Variants in ATP6V1D observed in about 807,000 individuals in gnomAD.
ATP6V1D encodes ATPase H+ transporting V1 subunit D, also known as V-type proton ATPase subunit D.
A neutral mutation model predicts 39.4 loss-of-function variants in ATP6V1D; 20 were observed. That is an observed-to-expected ratio of 0.51 (90% CI 0.36 to 0.74). ATP6V1D has a LOEUF of 0.74. ATP6V1D is among the 30% of genes least tolerant of loss of function. ATP6V1D has a pLI of 0.00. For missense variants in ATP6V1D, 228 were observed against 291.6 expected, an observed-to-expected ratio of 0.78 and a Z score of 1.59; for synonymous variants, 100 against 100.5, an observed-to-expected ratio of 0.99 and a Z score of 0.03.
In ATP6V1D at chr14:67,338,379, C is replaced by T. The variant is rs544098947; in HGVS notation, c.*242G>A. 7.1e-5 allele frequency: 31 copies of T among 434,388 alleles called. No homozygotes were observed. Among genetic ancestry groups the T allele is most frequent in the Admixed American group, 2.3e-4 (6 of 25,602 alleles). The allele number at this position is 434,388 out of a possible 1,614,324, so 26.9% of individuals were successfully genotyped here. On this transcript the variant is annotated 3_prime_UTR_variant, in exon 9 of 9. Transcript: ENST00000216442. ...CACAGATGTAAATGGAGTATGATAA[C>T]GCTTCTGCAAAGTAAATTCTGTAAG...
At position 67,350,607 on chromosome 14, in the gene ATP6V1D, T is replaced by G. The variant is rs773954450; in HGVS notation, c.239+4A>C. The G allele has an allele frequency of 1.1e-5, 17 of 1,612,542 alleles. No homozygotes were observed. The highest frequency in any genetic ancestry group is 1.4e-5 in the Non-Finnish European group (17 of 1,179,166). On this transcript the variant is annotated splice_donor_region_variant and intron_variant, in intron 3 of 8. Coordinates refer to ENST00000216442, the MANE Select transcript of ATP6V1D (RefSeq NM_015994.4). ...CTTCAAAACACCCCGTTTAGTCCCCTTACCTGAAGTCACCTGCTGTGAACT... is the reference window on the plus strand; with the variant it reads ...CTTCAAAACACCCCGTTTAGTCCCCGTACCTGAAGTCACCTGCTGTGAACT...
In ATP6V1D at chr14:67,348,625, G is replaced by A. The variant is rs182287138; in HGVS notation, c.307+412C>T. Among the ~76,000 whole-genome samples, 1,055 of 152,136 alleles carry A rather than the reference G, an allele frequency of 6.9e-3. 9 individuals are homozygous for A. Among genetic ancestry groups the A allele is most frequent in the Non-Finnish European group, 0.01 (702 of 67,992 alleles). Reference sequence around the variant, plus strand: ...GAACCTCCGCTTCCCGGGTTCAAGCGATTCTCCTGCCTCAGCCTCCCAAGT... The same window carrying A: ...GAACCTCCGCTTCCCGGGTTCAAGCAATTCTCCTGCCTCAGCCTCCCAAGT... On this transcript the variant is annotated intron_variant, in intron 4 of 8. Coordinates refer to ENST00000216442, the MANE Select transcript of ATP6V1D (RefSeq NM_015994.4).
At chr14:67,348,953 T>G (rs763001003) in intron 4 of ATP6V1D, 84 bp downstream of exon 4, 6 of 1,297,576 alleles carry the variant, frequency 4.6e-6, no homozygotes, top group Non-Finnish European at 6.6e-6. Flanking sequence ...AACTAGGACA[T>G]TAAGATCTTG....
intron 1 of ATP6V1D, among the ~76,000 whole-genome samples, chr14:67,357,207 C>T (rs1461493034): frequency 6.6e-6 from 1 of 152,216 alleles, no homozygotes; most frequent in Non-Finnish European, 1.5e-5. Flanking sequence ...AGTAACATCA[C>T]AGAATAATAC....
intron 1 of ATP6V1D, among the ~76,000 whole-genome samples, chr14:67,354,391 T>C (rs564022777): frequency 1.3e-5 from 2 of 152,366 alleles, no homozygotes; most frequent in African/African-American, 4.8e-5. Flanking sequence ...TTTAAAAATC[T>C]ATCCACTAAT....
rs1378561229 is a variant in ATP6V1D, at chr14:67,340,209, A to T, written c.602+231T>A. On this transcript the variant is annotated intron_variant, in intron 8 of 8. Coordinates refer to ENST00000216442, the MANE Select transcript of ATP6V1D (RefSeq NM_015994.4). ...TTTAAAAAAAAAATCAAACCTAAACAGTTTCTCTGAAAGGCCTAAGTTTTT... is the reference window on the plus strand; with the variant it reads ...TTTAAAAAAAAAATCAAACCTAAACTGTTTCTCTGAAAGGCCTAAGTTTTT... 2.6e-5 allele frequency: 12 copies of T among 462,544 alleles called. No homozygotes were observed. The East Asian group carries it at 3.8e-4, about 15-fold the overall frequency. The allele number at this position is 462,544 out of a possible 1,614,324, so 28.7% of individuals were successfully genotyped here.
rs763731801 is a variant in ATP6V1D, at chr14:67,338,585, G to C, written c.*36C>G. 1 of 1,602,244 alleles carries C rather than the reference G, an allele frequency of 6.2e-7. No homozygotes were observed. The highest frequency in any genetic ancestry group is 1.7e-5 in the Admixed American group (1 of 57,756). On this transcript the variant is annotated 3_prime_UTR_variant, in exon 9 of 9. Coordinates refer to ENST00000216442, the MANE Select transcript of ATP6V1D (RefSeq NM_015994.4). ...CACACTGTGAATTAAAATGAAGCCA[G>C]TGTTAGGGTTTCTCAAAGAACCAGA...
At chr14:67,345,309 C>G (rs1012385182) in intron 6 of ATP6V1D, among the ~76,000 whole-genome samples, 2 of 151,896 alleles carry the variant, frequency 1.3e-5, no homozygotes, top group Admixed American at 1.3e-4. Context: ...GTAATCCTAG[C>G]ACTTTGGGAG....
In ATP6V1D at chr14:67,337,923, AAAGT is replaced by A. The variant is rs2085552615; in HGVS notation, c.*694_*697del. ...ACCCCAAAATGCAACAGTTGTCTCA[AAAGT>A]AAGCCTTTTTGTAAAACTCTAATAC... is the stretch of plus-strand genomic sequence containing the variant. On this transcript the variant is annotated 3_prime_UTR_variant, in exon 9 of 9. Coordinates refer to ENST00000216442, the MANE Select transcript of ATP6V1D (RefSeq NM_015994.4). 1 of 152,256 alleles carries A rather than the reference AAAGT, an allele frequency of 6.6e-6. No homozygotes were observed. Among genetic ancestry groups the A allele is most frequent in the South Asian group, 2.1e-4 (1 of 4,836 alleles). 9.4% of individuals were successfully genotyped at this position (152,256 alleles called of 1,614,324 possible). A position where few individuals can be genotyped will look rare whatever the true frequency, so the allele number is the denominator to read the frequency against.
At chr14:67,342,032 C>G (rs59451243) in intron 7 of ATP6V1D, among the ~76,000 whole-genome samples, 46,784 of 151,256 alleles carry the variant, frequency 0.31, 11,120 homozygotes, top group African/African-American at 0.64. Context: ...CAAGTACCCA[C>G]GGACACAAAC....
intron 6 of ATP6V1D, among the ~76,000 whole-genome samples, chr14:67,345,338 C>G (rs2085612732): frequency 6.6e-6 from 1 of 152,048 alleles, no homozygotes; most frequent in South Asian, 2.1e-4. Context: ...GGGTGGATCA[C>G]CTGAAGTCAG....
At position 67,348,906 on chromosome 14, in the gene ATP6V1D, T is replaced by G. The variant is rs907858630; in HGVS notation, c.307+131A>C. On this transcript the variant is annotated intron_variant, in intron 4 of 8. Coordinates refer to ENST00000216442, the MANE Select transcript of ATP6V1D (RefSeq NM_015994.4). ...AACCTGGTTGTTAATGATTTTAACATGTAAAGCCAATCAACTTGTTCTAAG... is the reference window on the plus strand; with the variant it reads ...AACCTGGTTGTTAATGATTTTAACAGGTAAAGCCAATCAACTTGTTCTAAG... The G allele has an allele frequency of 1.2e-5, 10 of 848,220 alleles. No homozygotes were observed. The African/African-American group carries it at 1.6e-4, about 13-fold the overall frequency. 52.5% of individuals were successfully genotyped at this position (848,220 alleles called of 1,614,324 possible).
At chr14:67,350,535 A>G in intron 3 of ATP6V1D, 76 bp downstream of exon 3, 1 of 1,324,842 alleles carries the variant, frequency 7.5e-7, no homozygotes, top group Non-Finnish European at 1.1e-6. Context: ...TCTAAATTAA[A>G]AAATGCTTTT....
intron 4 of ATP6V1D, among the ~76,000 whole-genome samples, chr14:67,348,683 G>A (rs547235539): frequency 1.2e-4 from 18 of 148,448 alleles, no homozygotes; most frequent in African/African-American, 4.5e-4. Context: ...CACCAAACCT[G>A]GCTAATTTTT....
chr14:67,349,133 G>T lies in ATP6V1D; in HGVS notation c.240-29C>A, dbSNP rs375655612. 19 of 1,604,250 alleles carry T rather than the reference G, an allele frequency of 1.2e-5. No homozygotes were observed. In the African/African-American group the frequency reaches 2.4e-4, roughly 20 times the overall value. ...CAGAAAAAGAGAAAGACTTTATTTA[G>T]CAGACTCTTCAGAAATAAACCTACA... On this transcript the variant is annotated intron_variant, in intron 3 of 8. Coordinates refer to ENST00000216442, the MANE Select transcript of ATP6V1D (RefSeq NM_015994.4).
chr14:67,342,564 T>TC, intron 7 of ATP6V1D, among the ~76,000 whole-genome samples: 1 of 151,244 alleles, frequency 6.6e-6, no homozygotes, highest in Non-Finnish European at 1.5e-5. Flanking sequence ...ATCCTTTTTT[T>TC]TTTTTTTTTC....
intron 7 of ATP6V1D, 94 bp from the exon 8 acceptor site, chr14:67,340,612 T>C: frequency 9.2e-7 from 1 of 1,083,078 alleles, no homozygotes; most frequent in South Asian, 1.4e-5. Flanking sequence ...TTTTTCCTAA[T>C]TGTAAAATTA....
intron 8 of ATP6V1D, among the ~76,000 whole-genome samples, chr14:67,339,608 G>C (rs1385117456): frequency 2.0e-5 from 3 of 152,034 alleles, no homozygotes; most frequent in Non-Finnish European, 4.4e-5. Flanking sequence ...CCAATTCATG[G>C]ACATGCATAA....
Position 67,338,528 on chromosome 14 carries a change from CA to C in ATP6V1D, c.*92del. On this transcript the variant is annotated 3_prime_UTR_variant, in exon 9 of 9. Transcript: ENST00000216442. ...TTTACAACCAGTGAAATTCTTAGGC[CA>C]AAAAATAAATAGCCACACAAATCAA... 1.5e-6 allele frequency: 2 copies of C among 1,350,422 alleles called. No individual in the cohort carries two copies. Among genetic ancestry groups the C allele is most frequent in the Non-Finnish European group, 2.0e-6 (2 of 1,017,818 alleles). The allele number at this position is 1,350,422 out of a possible 1,614,324, so 83.7% of individuals were successfully genotyped here. A position where few individuals can be genotyped will look rare whatever the true frequency, so the allele number is the denominator to read the frequency against.
Sources: allele counts gnomAD v4.1 joint callset (sites outside exome capture counted in the v4.1 genomes callset), GRCh38; gene constraint gnomAD v4.1.1; transcripts MANE v1.5; gene names NCBI Gene and HGNC (gene_info 2026-07-23, HGNC 2026-07-21).